The following TSPAN9 variants were observed in gnomAD, a reference collection of about 807,000 sequenced individuals.
TSPAN9 encodes the protein tetraspanin-9.
Under a neutral mutation model 31.0 loss-of-function variants are expected in TSPAN9, and 16 were observed. That is an observed-to-expected ratio of 0.52 (90% CI 0.35 to 0.78). TSPAN9 has a LOEUF of 0.78. TSPAN9 is among the 30% of genes least tolerant of loss of function. The pLI is 0.01. For synonymous variants in TSPAN9, 145 were observed against 121.6 expected, an observed-to-expected ratio of 1.19 and a Z score of -1.27; for missense variants, 272 against 312.5, an observed-to-expected ratio of 0.87 and a Z score of 0.98.
chr12:3,176,382 G>A (rs569368835), intron 2 of TSPAN9, among the ~76,000 whole-genome samples: 22 of 152,352 alleles, frequency 1.4e-4, no homozygotes, highest in African/African-American at 5.1e-4. Flanking sequence ...CAGAATGTGC[G>A]AAGGCATGAG....
chr12:3,263,443 T>C (rs1055830125), intron 3 of TSPAN9, among the ~76,000 whole-genome samples: 2 of 152,196 alleles, frequency 1.3e-5, no homozygotes, highest in African/African-American at 4.8e-5. Flanking sequence ...CGTGTGGCGG[T>C]GGACGGGCAG....
chr12:3,125,388 A>T (rs1262193613), intron 2 of TSPAN9, among the ~76,000 whole-genome samples: 1 of 152,178 alleles, frequency 6.6e-6, no homozygotes, highest in Non-Finnish European at 1.5e-5. Context: ...CTTTAAGTGT[A>T]CTTGGGAGAT....
chr12:3,121,039 C>G (rs2098324825), intron 2 of TSPAN9, among the ~76,000 whole-genome samples: 1 of 152,104 alleles, frequency 6.6e-6, no homozygotes. Flanking sequence ...AGTCACAGGA[C>G]CTGTCTGAGT....
At chr12:3,142,700 C>T (rs186327149) in intron 2 of TSPAN9, among the ~76,000 whole-genome samples, 70 of 152,286 alleles carry the variant, frequency 4.6e-4, no homozygotes, top group African/African-American at 1.7e-3. Context: ...GCCTGCGGTG[C>T]GTATCTCCCT....
chr12:3,133,769 T>G (rs1262623877), intron 2 of TSPAN9, among the ~76,000 whole-genome samples: 1 of 152,094 alleles, frequency 6.6e-6, no homozygotes, highest in Admixed American at 6.6e-5. Flanking sequence ...GGGTGGAGGT[T>G]TCCAAAGAAA....
intron 2 of TSPAN9, among the ~76,000 whole-genome samples, chr12:3,090,521 G>A (rs1013097274): frequency 2.6e-5 from 4 of 152,254 alleles, no homozygotes; most frequent in Non-Finnish European, 5.9e-5. Context: ...AAGGAAACTA[G>A]CCTTTCAGGT....
intron 2 of TSPAN9, among the ~76,000 whole-genome samples, chr12:3,177,849 G>C (rs187010812): frequency 6.6e-6 from 1 of 152,352 alleles, no homozygotes; most frequent in Non-Finnish European, 1.5e-5. Flanking sequence ...ATCACAGAAT[G>C]ATTCAGTCAG....
chr12:3,236,131 C>T (rs2098393631), intron 3 of TSPAN9, among the ~76,000 whole-genome samples: 2 of 152,180 alleles, frequency 1.3e-5, no homozygotes, highest in Admixed American at 1.3e-4. Context: ...AAGAACAGTG[C>T]ACCTGAAGTC....
chr12:3,138,358 C>T (rs866063388), intron 2 of TSPAN9, among the ~76,000 whole-genome samples: 7 of 152,060 alleles, frequency 4.6e-5, no homozygotes, highest in Admixed American at 6.5e-5. Flanking sequence ...CTCCCGGAGT[C>T]GGTTAGAGGA....
In TSPAN9 at chr12:3,138,755, A is replaced by G. The variant is rs1299419093; in HGVS notation, c.-18+55036A>G. Reference sequence around the variant, plus strand: ...GTGATTCGCCCACCTTAGCCTCCCAAAGTGAGCCATCGCATCCGGGCTACC... The same window carrying G: ...GTGATTCGCCCACCTTAGCCTCCCAGAGTGAGCCATCGCATCCGGGCTACC... On this transcript the variant is annotated intron_variant, in intron 2 of 8. Transcript: ENST00000011898. Among the ~76,000 whole-genome samples the G allele has an allele frequency of 3.9e-5, 6 of 152,092 alleles. No homozygotes were observed. In the South Asian group the frequency reaches 1.0e-3, roughly 26 times the overall value.
At chr12:3,276,239 G>T (rs138197814) in intron 3 of TSPAN9, among the ~76,000 whole-genome samples, 1 of 152,180 alleles carries the variant, frequency 6.6e-6, no homozygotes, top group Admixed American at 6.5e-5. Context: ...GGGCCCTCCC[G>T]CGGTCGCTTC....
intron 2 of TSPAN9, chr12:3,171,526 G>C (rs1371870190): frequency 2.0e-5 from 3 of 152,174 alleles, no homozygotes; most frequent in East Asian, 1.9e-4. Flanking sequence ...TGTGTTGTTA[G>C]TTACCCATCC....
intron 2 of TSPAN9, among the ~76,000 whole-genome samples, chr12:3,163,795 C>T (rs1169929779): frequency 6.6e-6 from 1 of 152,208 alleles, no homozygotes; most frequent in Non-Finnish European, 1.5e-5. Context: ...AGAATTGGAG[C>T]AGATAACACA....
intron 7 of TSPAN9, 40 bp downstream of exon 7, chr12:3,281,369 G>A (rs1397372922): frequency 6.5e-7 from 1 of 1,527,906 alleles, no homozygotes; most frequent in Non-Finnish European, 8.8e-7. Flanking sequence ...AAGAGCCCGT[G>A]TGTGGATGCC....
intron 2 of TSPAN9, among the ~76,000 whole-genome samples, chr12:3,102,681 A>C (rs1386897608): frequency 6.6e-6 from 1 of 151,394 alleles, no homozygotes; most frequent in Non-Finnish European, 1.5e-5. Flanking sequence ...TCGTGATCCG[A>C]CCGCCTCGGC....
intron 3 of TSPAN9, among the ~76,000 whole-genome samples, chr12:3,226,768 A>T (rs1284464315): frequency 4.6e-3 from 8 of 1,742 alleles, no homozygotes; most frequent in South Asian, 0.036. Context: ...ATATATATAT[A>T]TATATATATA....
intron 2 of TSPAN9, among the ~76,000 whole-genome samples, chr12:3,139,045 C>G (rs930267154): frequency 6.6e-6 from 1 of 152,104 alleles, no homozygotes; most frequent in African/African-American, 2.4e-5. Context: ...CCTCCCTACA[C>G]GCTGTGCCCC....
chr12:3,163,195 A>C (rs2098346356), intron 2 of TSPAN9, among the ~76,000 whole-genome samples: 1 of 152,150 alleles, frequency 6.6e-6, no homozygotes, highest in South Asian at 2.1e-4. Flanking sequence ...CTTGAGCTCA[A>C]GCTATTCATT....
chr12:3,081,844 G>GTGTGTGTGTATA (rs57812985), intron 1 of TSPAN9, among the ~76,000 whole-genome samples: 17,593 of 116,532 alleles, frequency 0.15, 2,026 homozygotes, highest in Admixed American at 0.24. Flanking sequence ...GTCTGTGTGT[G>GTGTGTGTGTATA]TATATATATG....
Sources: allele counts gnomAD v4.1 joint callset (sites outside exome capture counted in the v4.1 genomes callset), GRCh38; gene constraint gnomAD v4.1.1; transcripts MANE v1.5; gene names NCBI Gene and HGNC (gene_info 2026-07-23, HGNC 2026-07-21).